Variants in IGSF10 observed in about 807,000 individuals in gnomAD.
IGSF10 encodes calvaria mechanical force protein 608.
A neutral mutation model predicts 128.2 loss-of-function variants in IGSF10; 126 were observed. The observed-to-expected ratio is 0.98, with a 90% confidence interval of 0.85 to 1.14. The LOEUF (loss-of-function observed/expected upper bound fraction) is 1.14. IGSF10 is among the 50% of genes most tolerant of loss of function. IGSF10 has a pLI of 0.00. For synonymous variants in IGSF10, 1,185 were observed against 1,146.2 expected, an observed-to-expected ratio of 1.03 and a Z score of -0.68; for missense variants, 3,295 against 3,149.8, an observed-to-expected ratio of 1.05 and a Z score of -1.10.
At chr3:151,533,278 ACT>A in the IGSF10 span, among the ~76,000 whole-genome samples, 3 of 152,212 alleles carry the variant, frequency 2.0e-5, no homozygotes, top group Admixed American at 1.3e-4. Flanking sequence ...TCAAGCTACC[ACT>A]GAGTTTCTTC....
chr3:151,563,819 T>C, the IGSF10 span, among the ~76,000 whole-genome samples: 1 of 152,338 alleles, frequency 6.6e-6, no homozygotes, highest in South Asian at 2.1e-4. Flanking sequence ...TACTATATGC[T>C]AGGCACTGTT....
At chr3:151,579,498 A>C in the IGSF10 span, among the ~76,000 whole-genome samples, 5 of 152,102 alleles carry the variant, frequency 3.3e-5, no homozygotes, top group Non-Finnish European at 7.4e-5. Context: ...TGTCAGAGAA[A>C]TGGAAACTGT....
At chr3:151,532,200 C>T in the IGSF10 span, among the ~76,000 whole-genome samples, 2 of 151,822 alleles carry the variant, frequency 1.3e-5, no homozygotes, top group African/African-American at 4.8e-5. Context: ...CCTACAAACA[C>T]CACAAAAAAG....
upstream of IGSF10, among the ~76,000 whole-genome samples, chr3:151,464,875 T>C (rs1722226859): frequency 6.6e-6 from 1 of 152,204 alleles, no homozygotes; most frequent in Non-Finnish European, 1.5e-5. Context: ...TTTCTTCCAA[T>C]ACAGTTGCAA....
the IGSF10 span, among the ~76,000 whole-genome samples, chr3:151,559,698 G>A: frequency 6.6e-6 from 1 of 152,138 alleles, no homozygotes; most frequent in African/African-American, 2.4e-5. Flanking sequence ...TTGGAGAGGA[G>A]TAGAGGATAG....
chr3:151,482,610 G>A, the IGSF10 span, among the ~76,000 whole-genome samples: 1 of 152,150 alleles, frequency 6.6e-6, no homozygotes, highest in Admixed American at 6.5e-5. Context: ...AGATGGAGAA[G>A]ACAAAGAAAG....
chr3:151,490,629 C>T, the IGSF10 span, among the ~76,000 whole-genome samples: 26 of 151,894 alleles, frequency 1.7e-4, no homozygotes, highest in African/African-American at 6.0e-4. Context: ...GTAAAGGCCA[C>T]AAAACAAGTC....
chr3:151,486,692 C>A, the IGSF10 span, among the ~76,000 whole-genome samples: 6 of 152,162 alleles, frequency 3.9e-5, no homozygotes, highest in African/African-American at 1.4e-4. Context: ...GGAAACTGAA[C>A]AACCTCCTGA....
chr3:151,560,261 C>T, the IGSF10 span, among the ~76,000 whole-genome samples: 3 of 152,012 alleles, frequency 2.0e-5, no homozygotes, highest in African/African-American at 7.2e-5. Flanking sequence ...CCTATGACAA[C>T]TTTTATCACC....
chr3:151,596,084 T>C, the IGSF10 span, among the ~76,000 whole-genome samples: 2 of 152,212 alleles, frequency 1.3e-5, no homozygotes, highest in Admixed American at 6.5e-5. Context: ...CTTAAATATA[T>C]GTAATTTTTG....
chr3:151,453,615 C>T lies in IGSF10; in HGVS notation c.484G>A (p.Gly162Arg). 1 of 1,614,018 alleles carries T rather than the reference C, an allele frequency of 6.2e-7. No individual in the cohort carries two copies. Among genetic ancestry groups the T allele is most frequent in the Non-Finnish European group, 8.5e-7 (1 of 1,179,938 alleles). ...GGGTGGAGCTTAGTGAGCTGATTTC[C>T]TTCCAAGTGCACCAGGCGGAGAAAG... ...LNFLRLVHLE[G>R]NQLTKLHPDT... Residue 162 changes from glycine (G) to arginine (R), a missense_variant, in exon 5 of 8, where the codon GGA becomes AGA. By Grantham distance (125) the Gly-to-Arg change is moderately radical (BLOSUM62 -2). Transcript: ENST00000282466.
the IGSF10 span, among the ~76,000 whole-genome samples, chr3:151,547,638 C>G: frequency 6.6e-6 from 1 of 152,088 alleles, no homozygotes; most frequent in African/African-American, 2.4e-5. Context: ...ATGTTCTTTG[C>G]CTCTGGGTTG....
chr3:151,512,838 C>G, the IGSF10 span, among the ~76,000 whole-genome samples: 2 of 152,202 alleles, frequency 1.3e-5, no homozygotes, highest in African/African-American at 4.8e-5. Flanking sequence ...ACAAACACCT[C>G]TATGCAAATA....
chr3:151,444,944 G>T lies in IGSF10; in HGVS notation c.5037C>A (p.Thr1679=). 1 of 1,610,360 alleles carries T rather than the reference G, an allele frequency of 6.2e-7. No individual in the cohort carries two copies. Among genetic ancestry groups the T allele is most frequent in the Non-Finnish European group, 8.5e-7 (1 of 1,178,862 alleles). ...CTGATGGGACTCTGGTCCAATGAAT[G>T]GTGGGCAGGGGATTTCCAACAGCTT... ...PCEAVGNPLP[T]IHWTRVPSGL... Residue 1679 remains threonine, a synonymous_variant, in exon 6 of 8, where the codon ACC becomes ACA. Coordinates refer to ENST00000282466, the MANE Select transcript of IGSF10 (RefSeq NM_178822.5).
At position 151,436,790 on chromosome 3, in the gene IGSF10, C is replaced by A; in HGVS notation, c.7771G>T (p.Val2591Phe). Residue 2591 changes from valine (V) to phenylalanine (F), a missense_variant, in exon 8 of 8, where the codon GTC becomes TTC. Transcript: ENST00000282466. ...SEQLHLQGTL[V>F]IQNPQTSDSG... ...TCGGAGGTTTGGGGATTCTGAATGA[C>A]TAGGGTACCTTGTAAGTGAAGCTGC... 6.2e-7 allele frequency: 1 copy of A among 1,614,116 alleles called. No homozygotes were observed. Among genetic ancestry groups the A allele is most frequent in the Non-Finnish European group, 8.5e-7 (1 of 1,179,988 alleles).
chr3:151,466,826 G>A, the IGSF10 span, among the ~76,000 whole-genome samples: 8 of 152,216 alleles, frequency 5.3e-5, no homozygotes, highest in East Asian at 3.9e-4. Flanking sequence ...TGATCCACCC[G>A]CCTCGGCCTC....
At chr3:151,514,273 T>C in the IGSF10 span, among the ~76,000 whole-genome samples, 4 of 151,246 alleles carry the variant, frequency 2.6e-5, no homozygotes, top group African/African-American at 7.3e-5. Flanking sequence ...CCAAAACAGA[T>C]GTAAACCAAT....
At chr3:151,538,253 A>T in the IGSF10 span, among the ~76,000 whole-genome samples, 1,159 of 152,256 alleles carry the variant, frequency 7.6e-3, 17 homozygotes, top group African/African-American at 0.026. Context: ...AACACCAGAA[A>T]CACAAAGCCC....
rs1299762709 is a variant in IGSF10 at position 151,445,972 on chromosome 3, CTGTT to C, written c.4005_4008del (p.Thr1336ArgfsTer38). The stretch of plus-strand genomic sequence containing the variant: ...TGTATTGTTTGTGCTCTAGATCTCT[CTGTT>C]TGGGTTTCATAAGTGATGACAGATG... On this transcript the variant is annotated frameshift_variant, in exon 6 of 8. Transcript: ENST00000282466. LOFTEE classifies it high-confidence loss of function. 3 of 1,614,030 alleles carry C rather than the reference CTGTT, an allele frequency of 1.9e-6. No individual in the cohort carries two copies. Among genetic ancestry groups the C allele is most frequent in the Admixed American group, 1.7e-5 (1 of 60,000 alleles).
Sources: allele counts gnomAD v4.1 joint callset (sites outside exome capture counted in the v4.1 genomes callset), GRCh38; gene constraint gnomAD v4.1.1; transcripts MANE v1.5; gene names NCBI Gene and HGNC (gene_info 2026-07-23, HGNC 2026-07-21).